The following GALM variants were observed in gnomAD, a reference collection of about 807,000 sequenced individuals.
The protein encoded by GALM is galactose mutarotase, also known as aldose 1-epimerase.
In GALM, 43 loss-of-function variants were observed where a neutral mutation model predicts 37.4. The observed-to-expected ratio is 1.15, with a 90% CI of 0.90 to 1.48. The LOEUF (loss-of-function observed/expected upper bound fraction) is 1.48, where lower values mean the gene tolerates loss of function less well. GALM is among the 40% of genes most tolerant of loss of function. GALM has a pLI of 0.00. For synonymous variants in GALM, 199 were observed against 170.6 expected, an observed-to-expected ratio of 1.17 and a Z score of -1.30; for missense variants, 456 against 419.1, an observed-to-expected ratio of 1.09 and a Z score of -0.77.
chr2:38,720,898 A>C (rs933667626), intron 4 of GALM, among the ~76,000 whole-genome samples: 3 of 152,232 alleles, frequency 2.0e-5, no homozygotes, highest in Non-Finnish European at 2.9e-5. Context: ...CCTTTTACAT[A>C]ACCTGGCTGC....
intron 4 of GALM, among the ~76,000 whole-genome samples, chr2:38,692,127 C>G (rs1665692647): frequency 1.3e-5 from 2 of 152,292 alleles, no homozygotes; most frequent in South Asian, 4.1e-4. Context: ...TAAGTTGCTG[C>G]AACTTCAGAG....
chr2:38,686,358 C>T (rs1377050549), intron 3 of GALM, among the ~76,000 whole-genome samples: 2 of 151,710 alleles, frequency 1.3e-5, no homozygotes, highest in East Asian at 3.9e-4. Context: ...CTCCGCCTCC[C>T]GGGTTCACGA....
chr2:38,695,684 T>G (rs557115778), intron 4 of GALM, among the ~76,000 whole-genome samples: 4 of 150,042 alleles, frequency 2.7e-5, no homozygotes, highest in African/African-American at 7.6e-5. Flanking sequence ...TTTGTTTGTT[T>G]GCTTGTTTGT....
chr2:38,696,690 T>A (rs546999389), intron 4 of GALM, among the ~76,000 whole-genome samples: 1 of 150,110 alleles, frequency 6.7e-6, no homozygotes, highest in South Asian at 2.1e-4. Flanking sequence ...CAGGCTGGTC[T>A]CAAACTCCCT....
At chr2:38,702,382 T>C (rs1409346055) in intron 4 of GALM, among the ~76,000 whole-genome samples, 1 of 152,098 alleles carries the variant, frequency 6.6e-6, no homozygotes, top group Non-Finnish European at 1.5e-5. Flanking sequence ...AACATTTCAC[T>C]GGTCAAAAAA....
chr2:38,671,090 A>C (rs1665088073), intron 1 of GALM, among the ~76,000 whole-genome samples: 1 of 152,222 alleles, frequency 6.6e-6, no homozygotes, highest in Admixed American at 6.5e-5. Flanking sequence ...GAAAGGGGGA[A>C]GCGTTTCCTC....
rs754646773 is a variant in GALM at position 38,676,046 on chromosome 2, G to A, written c.325G>A (p.Gly109Arg). The A allele has an allele frequency of 5.6e-6, 9 of 1,614,074 alleles. No homozygotes were observed. In the East Asian group the frequency reaches 1.8e-4, roughly 32 times the overall value. The part of the protein sequence containing the change: ...INKEPNSLHG[G>R]VRGFDKVLWT... ...CAAGGAACCCAACAGTCTGCATGGA[G>A]GAGTCAGAGGGTTTGATAAAGTAAG... Residue 109 changes from glycine to arginine, a missense_variant, in exon 2 of 7, where the codon GGA (glycine) becomes AGA (arginine). Transcript: ENST00000272252.
chr2:38,675,438 A>T (rs1178120206), intron 1 of GALM, among the ~76,000 whole-genome samples: 1 of 151,656 alleles, frequency 6.6e-6, no homozygotes, highest in Non-Finnish European at 1.5e-5. Flanking sequence ...GGACTTTGAC[A>T]TGCCCAAGAT....
intron 4 of GALM, among the ~76,000 whole-genome samples, chr2:38,702,119 G>A (rs888537272): frequency 6.6e-6 from 1 of 151,744 alleles, no homozygotes; most frequent in African/African-American, 2.4e-5. Context: ...TATATTATGG[G>A]CTTCATAAAG....
chr2:38,686,198 A>G (rs1665514884), intron 3 of GALM, among the ~76,000 whole-genome samples: 1 of 140,486 alleles, frequency 7.1e-6, no homozygotes, highest in Non-Finnish European at 1.5e-5. Context: ...TGCTTAAAAA[A>G]AAAAAACCAC....
chr2:38,668,990 T>C (rs1665022761), intron 1 of GALM: 1 of 152,102 alleles, frequency 6.6e-6, no homozygotes, highest in East Asian at 1.9e-4. Context: ...TATAAACTGT[T>C]TGGATGACAG....
intron 4 of GALM, among the ~76,000 whole-genome samples, chr2:38,727,903 G>T (rs1268089949): frequency 1.3e-5 from 2 of 152,088 alleles, no homozygotes; most frequent in Admixed American, 1.3e-4. Context: ...ACAAGTTCCT[G>T]CTTTTTCTTA....
intron 4 of GALM, among the ~76,000 whole-genome samples, chr2:38,714,457 C>T (rs1186592372): frequency 6.6e-5 from 10 of 152,038 alleles, no homozygotes; most frequent in African/African-American, 2.2e-4. Context: ...TCAAGTGATC[C>T]GCCCACCTCA....
chr2:38,673,447 T>A (rs1472368402), intron 1 of GALM, among the ~76,000 whole-genome samples: 2 of 152,124 alleles, frequency 1.3e-5, no homozygotes, highest in Non-Finnish European at 2.9e-5. Flanking sequence ...AAAAGTACCA[T>A]AATATGCCCA....
chr2:38,708,461 C>A (rs927553271), intron 4 of GALM, among the ~76,000 whole-genome samples: 1 of 151,832 alleles, frequency 6.6e-6, no homozygotes, highest in African/African-American at 2.4e-5. Context: ...AGTGCTGTCG[C>A]CTGGGCACAG....
chr2:38,730,557 A>C (rs1174322878), intron 5 of GALM, among the ~76,000 whole-genome samples: 2 of 152,112 alleles, frequency 1.3e-5, no homozygotes, highest in African/African-American at 4.8e-5. Context: ...AAGCCACTGC[A>C]CCCGGTCAAC....
intron 3 of GALM, among the ~76,000 whole-genome samples, chr2:38,684,688 TC>T (rs1665480413): frequency 6.6e-6 from 1 of 152,050 alleles, no homozygotes; most frequent in Non-Finnish European, 1.5e-5. Flanking sequence ...ATGCCTGCAA[TC>T]CCAGCTAATC....
chr2:38,700,249 G>A (rs1665888729), intron 4 of GALM, among the ~76,000 whole-genome samples: 1 of 152,170 alleles, frequency 6.6e-6, no homozygotes, highest in South Asian at 2.1e-4. Context: ...ACCGCGCTCA[G>A]CCTAAAGTGC....
intron 1 of GALM, among the ~76,000 whole-genome samples, chr2:38,670,917 A>G (rs1049372183): frequency 6.6e-6 from 1 of 152,184 alleles, no homozygotes; most frequent in Non-Finnish European, 1.5e-5. Context: ...GTTTTGATTG[A>G]GAGTGGTGAG....
Sources: allele counts gnomAD v4.1 joint callset (sites outside exome capture counted in the v4.1 genomes callset), GRCh38; gene constraint gnomAD v4.1.1; transcripts MANE v1.5; gene names NCBI Gene and HGNC (gene_info 2026-07-23, HGNC 2026-07-21).